The following CHIA variants were observed in gnomAD, a reference collection of about 807,000 sequenced individuals.
The protein encoded by CHIA is acidic mammalian chitinase.
In CHIA, 47 loss-of-function variants were observed where a neutral mutation model predicts 53.5. The ratio of observed to expected loss-of-function variants is 0.88; its 90% confidence interval spans 0.70 to 1.12. The LOEUF (loss-of-function observed/expected upper bound fraction) is 1.12. CHIA is among the 50% of genes most tolerant of loss of function. CHIA has a pLI of 0.00. For missense variants in CHIA, 652 were observed against 592.2 expected, an observed-to-expected ratio of 1.10 and a Z score of -1.05; for synonymous variants, 268 against 222.2, an observed-to-expected ratio of 1.21 and a Z score of -1.83.
In CHIA at chr1:111,319,333, T is replaced by C. The variant is rs777720579; in HGVS notation, c.1042T>C (p.Trp348Arg). 6.2e-7 allele frequency: 1 copy of C among 1,614,234 alleles called. No individual in the cohort carries two copies. Among genetic ancestry groups the C allele is most frequent in the South Asian group, 1.1e-5 (1 of 91,088 alleles). ...ATCCTCTTTCTTTAAACAGGCTCAA[T>C]GGCTTAAGCACAACAAATTTGGAGG... ...NIKSFDIKAQ[W>R]LKHNKFGGAM... The change falls in exon 11 of 12, where the codon TGG becomes CGG. Residue 348 changes from tryptophan (W) to arginine (R), a missense_variant. Trp to Arg is a moderately radical substitution (Grantham distance 101, BLOSUM62 -3). Coordinates refer to ENST00000369740, the MANE Select transcript of CHIA (RefSeq NM_201653.4).
chr1:111,301,747 A>G (rs1332041461), intron 1 of CHIA, among the ~76,000 whole-genome samples: 1 of 150,912 alleles, frequency 6.6e-6, no homozygotes, highest in East Asian at 1.9e-4. Context: ...TGTCCTTTGC[A>G]GGGACATGGA....
At chr1:111,291,485 G>A (rs1661014619) in intron 1 of CHIA, among the ~76,000 whole-genome samples, 1 of 150,984 alleles carries the variant, frequency 6.6e-6, no homozygotes, top group African/African-American at 2.4e-5. Context: ...CACCGGGAAG[G>A]GAACAAGAAA....
intron 1 of CHIA, among the ~76,000 whole-genome samples, chr1:111,298,011 T>C (rs1375815770): frequency 6.7e-6 from 1 of 150,160 alleles, no homozygotes; most frequent in Non-Finnish European, 1.5e-5. Flanking sequence ...CATTACATAA[T>C]GGTAAAGGGA....
rs1357458441 is a variant in CHIA at position 111,319,485 on chromosome 1, G to C, written c.1177+17G>C. ...AGAGTGCAAGTAAGTGACTGAGGGG[G>C]AATGCCCAGGTGTATAAATACCCCT... On this transcript the variant is annotated intron_variant, in intron 11 of 11. Coordinates refer to ENST00000369740, the MANE Select transcript of CHIA (RefSeq NM_201653.4). 1 of 1,612,238 alleles carries C rather than the reference G, an allele frequency of 6.2e-7. No individual in the cohort carries two copies. The highest frequency in any genetic ancestry group is 8.5e-7 in the Non-Finnish European group (1 of 1,179,392).
At position 111,315,283 on chromosome 1, in the gene CHIA, G is replaced by T; in HGVS notation, c.328G>T (p.Val110Phe). ...NFGTAPFTAM[V>F]STPENRQTFI... ...GGTCTCCCTCAGTTTCACTGCCATG[G>T]TTTCTACTCCTGAGAACCGCCAGAC... The change falls in exon 6 of 12, where the codon GTT becomes TTT. Residue 110 changes from valine (V) to phenylalanine (F), a missense_variant. Transcript: ENST00000369740. 4.3e-6 allele frequency: 7 copies of T among 1,612,152 alleles called. No homozygotes were observed. The highest frequency in any genetic ancestry group is 5.9e-6 in the Non-Finnish European group (7 of 1,179,820).
chr1:111,319,385 A>G lies in CHIA; in HGVS notation c.1094A>G (p.Asp365Gly). The change falls in exon 11 of 12, where the codon GAT becomes GGT. Residue 365 changes from aspartate to glycine, a missense_variant. Coordinates refer to ENST00000369740, the MANE Select transcript of CHIA (RefSeq NM_201653.4). ...GCCATGGTCTGGGCCATTGATCTGG[A>G]TGACTTCACTGGCACTTTCTGCAAC... ...GGAMVWAIDL[D>G]DFTGTFCNQG... 2.5e-6 allele frequency: 4 copies of G among 1,614,160 alleles called. No individual in the cohort carries two copies. Among genetic ancestry groups the G allele is most frequent in the Middle Eastern group, 1.7e-4 (1 of 6,058 alleles).
intron 1 of CHIA, among the ~76,000 whole-genome samples, chr1:111,293,592 G>A (rs530854706): frequency 6.6e-6 from 1 of 152,268 alleles, no homozygotes; most frequent in East Asian, 1.9e-4. Flanking sequence ...AAATATTCAT[G>A]AAGTCCAATT....
intron 3 of CHIA, 57 bp downstream of exon 3, chr1:111,311,775 C>G: frequency 1.3e-6 from 2 of 1,570,354 alleles, no homozygotes; most frequent in Non-Finnish European, 1.8e-6. Flanking sequence ...ATAAACCATA[C>G]TATGGAAAGA....
rs201988572 is a variant in CHIA at position 111,310,451 on chromosome 1, T to G, written c.-17T>G. On this transcript the variant is annotated 5_prime_UTR_variant, in exon 2 of 12. Coordinates refer to ENST00000369740, the MANE Select transcript of CHIA (RefSeq NM_201653.4). ...GAACATATAAAAAGCTCTGCGGGAC[T>G]GGTGCTGACTGCAACCATGACAAAG... The G allele has an allele frequency of 1.2e-5, 20 of 1,614,226 alleles. No individual in the cohort carries two copies. In the African/African-American group the frequency reaches 2.5e-4, roughly 20 times the overall value.
rs185063000 is a variant in CHIA, at chr1:111,292,949, T to C, written c.-69+1999T>C. Among the ~76,000 whole-genome samples, 78 of 152,368 alleles carry C rather than the reference T, an allele frequency of 5.1e-4. 2 individuals carry two copies. The East Asian group carries it at 7.3e-3, about 14-fold the overall frequency. ...TTAAAGGCTGAATAATACTTTATTG[T>C]ATGTATATATAACAGTTTTGTTATC... On this transcript the variant is annotated intron_variant, in intron 1 of 11. Coordinates refer to ENST00000369740, the MANE Select transcript of CHIA (RefSeq NM_201653.4).
At chr1:111,313,183 T>A (rs1648824680) in intron 4 of CHIA, among the ~76,000 whole-genome samples, 2 of 152,222 alleles carry the variant, frequency 1.3e-5, no homozygotes, top group African/African-American at 4.8e-5. Flanking sequence ...GTGTAACTGC[T>A]GGATCATATG....
intron 1 of CHIA, among the ~76,000 whole-genome samples, chr1:111,295,328 G>A (rs1312185764): frequency 2.0e-5 from 3 of 152,198 alleles, no homozygotes; most frequent in African/African-American, 7.2e-5. Flanking sequence ...TTACAGGCAT[G>A]AGCCATCATG....
intron 1 of CHIA, among the ~76,000 whole-genome samples, chr1:111,299,322 T>C (rs4376736): frequency 0.78 from 118,246 of 152,132 alleles, 46,156 homozygotes; most frequent in East Asian, 0.99. Flanking sequence ...TGATGACCAT[T>C]GATGCAAAAA....
At chr1:111,302,452 T>C (rs1265008970) in intron 1 of CHIA, among the ~76,000 whole-genome samples, 1 of 152,152 alleles carries the variant, frequency 6.6e-6, no homozygotes, top group Non-Finnish European at 1.5e-5. Flanking sequence ...ATGTTATGTT[T>C]TTATTTTCAT....
chr1:111,310,002 G>T (rs912831807), intron 1 of CHIA, among the ~76,000 whole-genome samples: 1 of 152,122 alleles, frequency 6.6e-6, no homozygotes, highest in African/African-American at 2.4e-5. Flanking sequence ...GGCACTGATT[G>T]TACAAATTAC....
intron 1 of CHIA, among the ~76,000 whole-genome samples, chr1:111,297,434 T>G (rs577348583): frequency 1.7e-4 from 26 of 152,200 alleles, no homozygotes; most frequent in Non-Finnish European, 2.2e-4. Context: ...CATTCTTAAA[T>G]AAAAGAATTT....
chr1:111,303,023 A>C (rs12120120), intron 1 of CHIA, among the ~76,000 whole-genome samples: 23 of 152,004 alleles, frequency 1.5e-4, no homozygotes, highest in Non-Finnish European at 3.1e-4. Context: ...TGTCTCTTGT[A>C]CATTTTTTAA....
Position 111,320,391 on chromosome 1 carries a change from T to C in CHIA, c.1356T>C (p.Asn452=). The C allele has an allele frequency of 6.2e-7, 1 of 1,614,174 alleles. No homozygotes were observed. Among genetic ancestry groups the C allele is most frequent in the Middle Eastern group, 1.6e-4 (1 of 6,062 alleles). Residue 452 remains asparagine, a synonymous_variant, in exon 12 of 12, where the codon AAT becomes AAC. Transcript: ENST00000369740. ...GAAATGCCTTCTGGCACTGCGTGAA[T>C]GGAGTCACGTACCAGCAGAACTGCC... The part of the protein sequence containing the change: ...NNRNAFWHCV[N]GVTYQQNCQA...
At chr1:111,298,510 G>A (rs1647406247) in intron 1 of CHIA, among the ~76,000 whole-genome samples, 1 of 152,164 alleles carries the variant, frequency 6.6e-6, no homozygotes, top group Non-Finnish European at 1.5e-5. Flanking sequence ...TAAATAACGA[G>A]ATGAAGGCAG....
Sources: gnomAD v4.1 joint callset for allele counts (sites outside exome capture counted in the v4.1 genomes callset) on GRCh38, gnomAD v4.1.1 for gene constraint, MANE v1.5 for transcripts, NCBI Gene and HGNC (gene_info 2026-07-23, HGNC 2026-07-21) for gene names.